ARHGAP22: variants seen among roughly 807,000 people sequenced by gnomAD.
ARHGAP22 encodes Rho GTPase activating protein 22, also known as rho GTPase-activating protein 22.
In ARHGAP22, 48 loss-of-function variants were observed where a neutral mutation model predicts 59.1. The observed-to-expected ratio is 0.81, with a 90% CI of 0.64 to 1.03. The LOEUF (loss-of-function observed/expected upper bound fraction) is 1.03. ARHGAP22 is among the 50% of genes least tolerant of loss of function. ARHGAP22 has a pLI of 0.00. For synonymous variants in ARHGAP22, 445 were observed against 416.4 expected (o/e 1.07, Z -0.84); for missense variants, 1,015 against 958.7 (o/e 1.06, Z -0.78).
At chr10:48,567,552 C>T (rs905050773) in intron 2 of ARHGAP22, among the ~76,000 whole-genome samples, 4 of 152,186 alleles carry the variant, frequency 2.6e-5, no homozygotes, top group Admixed American at 1.3e-4. Context: ...CCAAGGTGCA[C>T]GTGATTTTAC....
chr10:48,477,571 G>A (rs1340145636), intron 4 of ARHGAP22, among the ~76,000 whole-genome samples: 1 of 152,204 alleles, frequency 6.6e-6, no homozygotes, highest in Non-Finnish European at 1.5e-5. Flanking sequence ...ATCAACTTCA[G>A]CAGACACTGC....
chr10:48,589,118 C>G (rs987245711), intron 1 of ARHGAP22, among the ~76,000 whole-genome samples: 1 of 152,222 alleles, frequency 6.6e-6, no homozygotes, highest in South Asian at 2.1e-4. Flanking sequence ...CCTCACCCCC[C>G]AGTCCCCACC....
chr10:48,447,140 C>G (rs1749592200), intron 9 of ARHGAP22, among the ~76,000 whole-genome samples: 1 of 152,220 alleles, frequency 6.6e-6, no homozygotes, highest in Non-Finnish European at 1.5e-5. Context: ...AGCGCCCCCT[C>G]CATGATGCTA....
chr10:48,586,502 C>A (rs779803654), intron 1 of ARHGAP22, among the ~76,000 whole-genome samples: 1 of 152,188 alleles, frequency 6.6e-6, no homozygotes. Flanking sequence ...TAAAGCTGGG[C>A]TCCCAGCAGT....
At chr10:48,573,967 G>A (rs1289673332) in intron 2 of ARHGAP22, among the ~76,000 whole-genome samples, 1 of 152,184 alleles carries the variant, frequency 6.6e-6, no homozygotes, top group Non-Finnish European at 1.5e-5. Context: ...GCCTGGCCTT[G>A]TGGAGATGCT....
At chr10:48,621,170 T>C (rs1478816586) in intron 1 of ARHGAP22, among the ~76,000 whole-genome samples, 1 of 152,258 alleles carries the variant, frequency 6.6e-6, no homozygotes, top group Non-Finnish European at 1.5e-5. Context: ...TACATTATAC[T>C]TGCATTTTTA....
At chr10:48,522,778 G>A (rs1031422366) in intron 3 of ARHGAP22, among the ~76,000 whole-genome samples, 6 of 152,192 alleles carry the variant, frequency 3.9e-5, no homozygotes, top group Non-Finnish European at 8.8e-5. Flanking sequence ...ATCAGAAGCT[G>A]AGGAAACTGT....
At chr10:48,638,279 C>T (rs1308605534) in intron 1 of ARHGAP22, among the ~76,000 whole-genome samples, 1 of 152,102 alleles carries the variant, frequency 6.6e-6, no homozygotes, top group Non-Finnish European at 1.5e-5. Context: ...GGGAGACATA[C>T]ATTGCTGCTG....
At chr10:48,481,240 C>T (rs777379927) in intron 3 of ARHGAP22, among the ~76,000 whole-genome samples, 1 of 152,206 alleles carries the variant, frequency 6.6e-6, no homozygotes, top group Admixed American at 6.5e-5. Flanking sequence ...TGCCACCTAC[C>T]GAGGTTGCCA....
At chr10:48,618,246 C>A (rs2061157166) in intron 1 of ARHGAP22, among the ~76,000 whole-genome samples, 1 of 151,826 alleles carries the variant, frequency 6.6e-6, no homozygotes, top group Non-Finnish European at 1.5e-5. Context: ...GGACCTAATG[C>A]AGAATTCTAC....
intron 2 of ARHGAP22, among the ~76,000 whole-genome samples, chr10:48,579,863 G>A (rs566593466): frequency 1.1e-4 from 16 of 152,308 alleles, no homozygotes; most frequent in African/African-American, 2.2e-4. Context: ...ATTACATGCC[G>A]TTCATGCAAT....
In ARHGAP22 at chr10:48,450,559, C is replaced by A; in HGVS notation, c.1570G>T (p.Gly524Cys). 1 of 1,526,722 alleles carries A rather than the reference C, an allele frequency of 6.5e-7. No individual in the cohort carries two copies. The highest frequency in any genetic ancestry group is 8.8e-7 in the Non-Finnish European group (1 of 1,138,024). 94.6% of individuals were successfully genotyped at this position (1,526,722 alleles called of 1,614,324 possible). A position where few individuals can be genotyped will look rare whatever the true frequency, so the allele number is the denominator to read the frequency against. ...CAGGCCGTGCAGCTGCTGAGTGAGC[C>A]CCCCACCGACGACTCGCTGGACGAG... ...GASSSESSVGGSLSSCTACRA... is the reference protein window; with the variant it reads ...GASSSESSVGCSLSSCTACRA... The change falls in exon 9 of 10, where the codon GGC (glycine) becomes TGC (cysteine). Residue 524 changes from glycine (G) to cysteine (C), a missense_variant. Transcript: ENST00000249601.
Position 48,455,010 on chromosome 10 carries a change from C to T in ARHGAP22, c.784G>A (p.Glu262Lys), listed in dbSNP as rs573657113. 17 of 1,600,922 alleles carry T rather than the reference C, an allele frequency of 1.1e-5. No individual in the cohort carries two copies. Among genetic ancestry groups the T allele is most frequent in the East Asian group, 2.2e-5 (1 of 44,658 alleles). Reference sequence around the variant, plus strand: ...CCCCAGGAGCCACTGACCTCCCCCTCGTCCTTGGTGAGCAGCTGGGCGCAG... The same window carrying T: ...CCCCAGGAGCCACTGACCTCCCCCTTGTCCTTGGTGAGCAGCTGGGCGCAG... ...LSCAQLLTKD[E>K]GEGTLELAKQ... is the part of the protein sequence containing the mutation. The change falls in exon 6 of 10, where the codon GAG becomes AAG. Residue 262 changes from glutamate to lysine, a missense_variant. Glu to Lys is a moderately conservative substitution (Grantham distance 56). Transcript: ENST00000249601.
intron 1 of ARHGAP22, among the ~76,000 whole-genome samples, chr10:48,602,151 T>C (rs961305536): frequency 2.0e-5 from 3 of 152,200 alleles, no homozygotes; most frequent in African/African-American, 7.2e-5. Context: ...TAAATGTTGG[T>C]TTACTTTCTT....
intron 4 of ARHGAP22, among the ~76,000 whole-genome samples, chr10:48,469,933 C>T (rs543252164): frequency 1.4e-4 from 21 of 152,348 alleles, no homozygotes; most frequent in Non-Finnish European, 2.9e-5. Flanking sequence ...GAAATGCCAG[C>T]TTCCCACTTA....
At chr10:48,599,355 C>A (rs1004634417) in intron 1 of ARHGAP22, among the ~76,000 whole-genome samples, 1 of 152,196 alleles carries the variant, frequency 6.6e-6, no homozygotes, top group Admixed American at 6.5e-5. Context: ...CAAGTAAAGT[C>A]ATTTCATGTG....
intron 2 of ARHGAP22, among the ~76,000 whole-genome samples, chr10:48,565,887 A>C (rs1349578529): frequency 6.6e-6 from 1 of 152,222 alleles, no homozygotes; most frequent in Non-Finnish European, 1.5e-5. Flanking sequence ...TTGTGCCATG[A>C]AATGAGGTGT....
At chr10:48,530,257 A>AAAAAAAAAAC (rs2054705768) in intron 3 of ARHGAP22, among the ~76,000 whole-genome samples, 4 of 151,398 alleles carry the variant, frequency 2.6e-5, no homozygotes, top group Non-Finnish European at 4.4e-5. Flanking sequence ...AAAAAAAAAA[A>AAAAAAAAAAC]AAAATCAACT....
At chr10:48,465,128 G>A (rs995502589) in intron 4 of ARHGAP22, among the ~76,000 whole-genome samples, 3 of 152,190 alleles carry the variant, frequency 2.0e-5, no homozygotes, top group African/African-American at 7.2e-5. Flanking sequence ...TGGCACCCTC[G>A]GAGGGGAGCC....
Sources: gnomAD v4.1 joint callset for allele counts (sites outside exome capture counted in the v4.1 genomes callset) on GRCh38, gnomAD v4.1.1 for gene constraint, MANE v1.5 for transcripts, NCBI Gene and HGNC (gene_info 2026-07-23, HGNC 2026-07-21) for gene names.